Variants in DLGAP2 observed in about 807,000 individuals in gnomAD.
DLGAP2 encodes DLG associated protein 2.
In DLGAP2, 26 loss-of-function variants were observed where a neutral mutation model predicts 100.3. That is an observed-to-expected ratio of 0.26 (90% confidence interval 0.19 to 0.36). DLGAP2 has a LOEUF of 0.36. Ranked by LOEUF, DLGAP2 falls within the 10% of genes least tolerant of loss-of-function variation. The probability of loss-of-function intolerance (pLI) is 1.00; values close to 1 mark genes in which losing one functional copy is unlikely to be tolerated. For synonymous variants in DLGAP2, 886 were observed against 630.1 expected (o/e 1.41, Z -6.08); for missense variants, 1,858 against 1,453.2 (o/e 1.28, Z -4.53).
At chr8:1,538,955 C>T (rs1801255371) in intron 4 of DLGAP2, among the ~76,000 whole-genome samples, 1 of 150,138 alleles carries the variant, frequency 6.7e-6, no homozygotes, top group Non-Finnish European at 1.5e-5. Flanking sequence ...GTGCGATCTC[C>T]ACTCACTGCA....
chr8:1,686,803 A>G (rs537713554), intron 12 of DLGAP2, among the ~76,000 whole-genome samples: 1 of 152,328 alleles, frequency 6.6e-6, no homozygotes, highest in East Asian at 1.9e-4. Flanking sequence ...AATAAGTTCT[A>G]GTATACAATA....
chr8:1,179,629 A>G (rs1033058747), intron 2 of DLGAP2, among the ~76,000 whole-genome samples: 6 of 152,252 alleles, frequency 3.9e-5, no homozygotes, highest in African/African-American at 1.4e-4. Flanking sequence ...AGTTTTAAAT[A>G]AAGCTGTTTT....
intron 1 of DLGAP2, among the ~76,000 whole-genome samples, chr8:851,175 T>A (rs1797176271): frequency 6.6e-6 from 1 of 152,228 alleles, no homozygotes; most frequent in Non-Finnish European, 1.5e-5. Context: ...TCTTTGGTGT[T>A]CAGTATAGTC....
Position 1,413,062 on chromosome 8 carries a change from T to C in DLGAP2, c.107-88304T>C, listed in dbSNP as rs77131121. On this transcript the variant is annotated intron_variant, in intron 3 of 14. Transcript: ENST00000637795. ...CCTCTGTGAAGAGGGCTTCCTCTTC[T>C]TGACCAGTGCCATTACCTCCTCAGT... Among the ~76,000 whole-genome samples the C allele has an allele frequency of 3.5e-3, 530 of 152,300 alleles. 10 individuals are homozygous for C. The East Asian group carries it at 0.047, about 14-fold the overall frequency.
intron 1 of DLGAP2, among the ~76,000 whole-genome samples, chr8:877,946 G>A (rs760013084): frequency 6.6e-6 from 1 of 152,252 alleles, no homozygotes; most frequent in Non-Finnish European, 1.5e-5. Flanking sequence ...GGAGAGAGCA[G>A]ACTTGGTTCA....
chr8:1,570,506 C>T (rs1025021508), intron 6 of DLGAP2, among the ~76,000 whole-genome samples: 3 of 152,236 alleles, frequency 2.0e-5, no homozygotes, highest in African/African-American at 4.8e-5. Context: ...AAATTGATTT[C>T]TGAGTTGACC....
At chr8:1,510,421 A>C (rs924449905) in intron 4 of DLGAP2, among the ~76,000 whole-genome samples, 19 of 152,230 alleles carry the variant, frequency 1.2e-4, no homozygotes, top group African/African-American at 4.6e-4. Flanking sequence ...AAGAGCTGAG[A>C]AACGTCATCA....
intron 1 of DLGAP2, among the ~76,000 whole-genome samples, chr8:758,393 T>C (rs980336971): frequency 1.3e-5 from 2 of 152,082 alleles, no homozygotes. Context: ...AAAAATGATT[T>C]AATATTTATA....
At chr8:1,669,896 A>G in intron 10 of DLGAP2, 112 bp downstream of exon 10, 1 of 739,914 alleles carries the variant, frequency 1.4e-6, no homozygotes, top group Non-Finnish European at 2.5e-6. Context: ...TCTATGTGCC[A>G]GGCACTATGC....
At chr8:1,505,290 C>A (rs1332447745) in intron 4 of DLGAP2, among the ~76,000 whole-genome samples, 2 of 152,196 alleles carry the variant, frequency 1.3e-5, no homozygotes, top group East Asian at 3.8e-4. Context: ...ACTATCATTT[C>A]CAAAATGCTG....
At chr8:1,295,479 G>A (rs745523515) in intron 3 of DLGAP2, among the ~76,000 whole-genome samples, 9 of 152,090 alleles carry the variant, frequency 5.9e-5, no homozygotes, top group Admixed American at 2.0e-4. Flanking sequence ...CCACGTCAGC[G>A]GGAAGCACAC....
At chr8:1,195,824 C>A (rs1229904515) in intron 2 of DLGAP2, among the ~76,000 whole-genome samples, 2 of 152,196 alleles carry the variant, frequency 1.3e-5, no homozygotes, top group African/African-American at 4.8e-5. Flanking sequence ...GCTCCGAGGC[C>A]TTGCAGCGGT....
In DLGAP2 at chr8:1,578,759, C is replaced by T. The variant is rs142969136; in HGVS notation, c.1442+12865C>T. Reference sequence around the variant, plus strand: ...TAACATAGTGCAAGATAATAGAAGGCCTTTTGCTCTCAAAAATAAAAATAA... The same window carrying T: ...TAACATAGTGCAAGATAATAGAAGGTCTTTTGCTCTCAAAAATAAAAATAA... On this transcript the variant is annotated intron_variant, in intron 6 of 14. Transcript: ENST00000637795. 3.3e-3 allele frequency among the ~76,000 whole-genome samples: 500 copies of T among 152,244 alleles called. 2 individuals are homozygous for T. The highest frequency in any genetic ancestry group is 1.0e-2 in the South Asian group (48 of 4,820).
intron 2 of DLGAP2, among the ~76,000 whole-genome samples, chr8:1,112,551 A>G (rs901910807): frequency 1.6e-4 from 24 of 152,102 alleles, no homozygotes; most frequent in African/African-American, 5.6e-4. Context: ...TCCTTTGCCC[A>G]CTTTTTAATA....
At chr8:1,500,014 C>G (rs1799663883) in intron 3 of DLGAP2, among the ~76,000 whole-genome samples, 1 of 152,096 alleles carries the variant, frequency 6.6e-6, no homozygotes. Flanking sequence ...TGAGATGTGC[C>G]TCAAAGCCTG....
At chr8:980,176 G>T (rs1019430821) in intron 2 of DLGAP2, among the ~76,000 whole-genome samples, 1 of 152,212 alleles carries the variant, frequency 6.6e-6, no homozygotes, top group Non-Finnish European at 1.5e-5. Context: ...ATAACTTGGA[G>T]GGATTCAGGC....
chr8:1,259,335 T>C (rs1348084445), intron 3 of DLGAP2, among the ~76,000 whole-genome samples: 1 of 152,220 alleles, frequency 6.6e-6, no homozygotes. Context: ...TCAGTGTTGC[T>C]TATTTAACTT....
chr8:768,638 A>T (rs973646020), intron 1 of DLGAP2, among the ~76,000 whole-genome samples: 66 of 151,590 alleles, frequency 4.4e-4, no homozygotes, highest in African/African-American at 1.5e-3. Flanking sequence ...GTTAGCCAGG[A>T]TGGTCTTGAC....
At chr8:952,629 A>G (rs568738184) in intron 2 of DLGAP2, among the ~76,000 whole-genome samples, 60 of 152,242 alleles carry the variant, frequency 3.9e-4, no homozygotes, top group South Asian at 2.1e-4. Context: ...AGTGTGATAC[A>G]TGATCTCAAA....
Sources: gnomAD v4.1 joint callset for allele counts (sites outside exome capture counted in the v4.1 genomes callset) on GRCh38, gnomAD v4.1.1 for gene constraint, MANE v1.5 for transcripts, NCBI Gene and HGNC (gene_info 2026-07-23, HGNC 2026-07-21) for gene names.